The following ADCYAP1R1 variants were observed in gnomAD, a reference collection of about 807,000 sequenced individuals.
ADCYAP1R1 encodes the protein ADCYAP receptor type I.
ADCYAP1R1 carries 44 observed loss-of-function variants against 67.6 expected under a neutral mutation model. The observed-to-expected ratio is 0.65, with a 90% CI of 0.51 to 0.84. ADCYAP1R1 has a LOEUF of 0.84. Among genes scored for constraint, ADCYAP1R1 ranks in the 40% least tolerant of loss-of-function variants. The probability of loss-of-function intolerance (pLI) is 0.00; values close to 1 mark genes in which losing one functional copy is unlikely to be tolerated. For synonymous variants in ADCYAP1R1, 222 were observed against 219.6 expected (o/e 1.01, Z -0.10); for missense variants, 477 against 587.9 (o/e 0.81, Z 1.95).
intron 1 of ADCYAP1R1, among the ~76,000 whole-genome samples, chr7:31,059,153 TG>T (rs763216513): frequency 6.6e-5 from 10 of 152,116 alleles, no homozygotes; most frequent in Non-Finnish European, 1.2e-4. Flanking sequence ...CACAAAGTGG[TG>T]AGATAATAAT....
rs1398616098 is a variant in ADCYAP1R1, at chr7:31,063,320, G to A, written c.51+5G>A. 6.2e-7 allele frequency: 1 copy of A among 1,614,166 alleles called. No individual in the cohort carries two copies. On this transcript the variant is annotated splice_donor_5th_base_variant and intron_variant, in intron 2 of 15. Coordinates refer to ENST00000304166, the MANE Select transcript of ADCYAP1R1 (RefSeq NM_001118.5). ...GCTCTCCTCCTGCTGCCTATGGTAA[G>A]GGCCCAGGAACATCTCTCTGGGAGC...
In ADCYAP1R1 at chr7:31,110,354, G is replaced by C. The variant is rs535392167; in HGVS notation, c.*3670G>C. Reference sequence around the variant, plus strand: ...CTTCTCCACGCTTTGCTCCTGGCTTGTTTGACCTTGACTCATTCCCCATAT... The same window carrying C: ...CTTCTCCACGCTTTGCTCCTGGCTTCTTTGACCTTGACTCATTCCCCATAT... On this transcript the variant is annotated 3_prime_UTR_variant, in exon 16 of 16. Coordinates refer to ENST00000304166, the MANE Select transcript of ADCYAP1R1 (RefSeq NM_001118.5). 6.6e-6 allele frequency: 1 copy of C among 152,232 alleles called. No homozygotes were observed. The highest frequency in any genetic ancestry group is 2.1e-4 in the South Asian group (1 of 4,814). 9.4% of individuals were successfully genotyped at this position (152,232 alleles called of 1,614,324 possible).
rs771199402 is a variant in ADCYAP1R1 at position 31,081,733 on chromosome 7, A to C, written c.307A>C (p.Ser103Arg). 6.3e-7 allele frequency: 1 copy of C among 1,598,256 alleles called. No homozygotes were observed. The highest frequency in any genetic ancestry group is 8.5e-7 in the Non-Finnish European group (1 of 1,172,534). ...TTCAGGAGAGTCTGATTTTGGTGAC[A>C]GTAACTCCTTAGATCTCTCAGGTAA... The part of the protein sequence containing the change: ...ETIGESDFGD[S>R]NSLDLSDMGV... The change falls in exon 6 of 16, where the codon AGT (serine) becomes CGT (arginine). Residue 103 changes from serine to arginine, a missense_variant. Coordinates refer to ENST00000304166, the MANE Select transcript of ADCYAP1R1 (RefSeq NM_001118.5).
rs1385009527 is a variant in ADCYAP1R1 at position 31,103,425 on chromosome 7, C to T, written c.1176+59C>T. 5 of 1,610,406 alleles carry T rather than the reference C, an allele frequency of 3.1e-6. No individual in the cohort carries two copies. In the South Asian group the frequency reaches 4.4e-5, roughly 14 times the overall value. ...TGGGAGCCAGGGCCTGGTTGCTCACCTGCAAGTGGTGCTGGAGCCTCTTTA... is the reference window on the plus strand; with the variant it reads ...TGGGAGCCAGGGCCTGGTTGCTCACTTGCAAGTGGTGCTGGAGCCTCTTTA... On this transcript the variant is annotated intron_variant, in intron 14 of 15. Coordinates refer to ENST00000304166, the MANE Select transcript of ADCYAP1R1 (RefSeq NM_001118.5).
intron 8 of ADCYAP1R1, 130 bp downstream of exon 8, chr7:31,084,964 A>C (rs1294447871): frequency 2.2e-6 from 2 of 902,214 alleles, no homozygotes; most frequent in East Asian, 2.5e-5. Flanking sequence ...TCCCACCCCA[A>C]GGATAACAGA....
intron 3 of ADCYAP1R1, among the ~76,000 whole-genome samples, chr7:31,076,984 G>A (rs1247180916): frequency 6.6e-6 from 1 of 152,190 alleles, no homozygotes; most frequent in Non-Finnish European, 1.5e-5. Context: ...CTGTGATGTT[G>A]TGCAGCTGTG....
intron 3 of ADCYAP1R1, among the ~76,000 whole-genome samples, chr7:31,068,743 C>A (rs1794850588): frequency 6.6e-6 from 1 of 152,182 alleles, no homozygotes; most frequent in African/African-American, 2.4e-5. Flanking sequence ...ATCTTGCTCA[C>A]TTTGGGGCTG....
intron 3 of ADCYAP1R1, among the ~76,000 whole-genome samples, chr7:31,066,901 CTG>C (rs146696002): frequency 0.02 from 3,045 of 152,284 alleles, 91 homozygotes; most frequent in African/African-American, 0.07. Flanking sequence ...GAGTAACCTC[CTG>C]TATTTGGAAC....
chr7:31,086,620 A>G lies in ADCYAP1R1; in HGVS notation c.823+83A>G. ...TGTGTCTTTGGTTCCATCTTCAGGA[A>G]GTGTCAGGTGAGGAGGGGCCACTGC... is the stretch of plus-strand genomic sequence containing the variant. On this transcript the variant is annotated intron_variant, in intron 10 of 15. Coordinates refer to ENST00000304166, the MANE Select transcript of ADCYAP1R1 (RefSeq NM_001118.5). This position sits in a 1 kb window ranked among gnomAD's most constrained non-coding sequence, Gnocchi z 5.0. 1 of 1,548,484 alleles carries G rather than the reference A, an allele frequency of 6.5e-7. No individual in the cohort carries two copies. Among genetic ancestry groups the G allele is most frequent in the South Asian group, 1.2e-5 (1 of 83,912 alleles).
At chr7:31,096,132 T>C (rs1584535369) in intron 13 of ADCYAP1R1, among the ~76,000 whole-genome samples, 1 of 152,022 alleles carries the variant, frequency 6.6e-6, no homozygotes, top group Non-Finnish European at 1.5e-5. Context: ...GCTTCCAGGG[T>C]AGACATTAAC....
chr7:31,091,029 C>A (rs1192899368), intron 12 of ADCYAP1R1, among the ~76,000 whole-genome samples: 1 of 152,216 alleles, frequency 6.6e-6, no homozygotes, highest in Non-Finnish European at 1.5e-5. Context: ...AATTTACATT[C>A]CCACCAACAG....
chr7:31,085,700 A>G (rs1213322582), intron 9 of ADCYAP1R1, among the ~76,000 whole-genome samples: 1 of 152,248 alleles, frequency 6.6e-6, no homozygotes, highest in East Asian at 1.9e-4. Flanking sequence ...TTGGCAAGGC[A>G]GAAGAGGAAG....
rs1328281045 is a variant in ADCYAP1R1, at chr7:31,086,577, T to C, written c.823+40T>C. The C allele has an allele frequency of 1.1e-5, 18 of 1,611,484 alleles. No individual in the cohort carries two copies. The highest frequency in any genetic ancestry group is 1.5e-5 in the Non-Finnish European group (18 of 1,178,418). The stretch of plus-strand genomic sequence containing the variant: ...GTGGCTTGGACAGGTTCAGGTCCCG[T>C]GGTCAGGTGTGTCCAGGTGTGTCTT... On this transcript the variant is annotated intron_variant, in intron 10 of 15. Coordinates refer to ENST00000304166, the MANE Select transcript of ADCYAP1R1 (RefSeq NM_001118.5). This position sits in a 1 kb window ranked among gnomAD's most constrained non-coding sequence, Gnocchi z 5.0.
At chr7:31,106,451 A>C in intron 15 of ADCYAP1R1, 45 bp from the exon 16 acceptor site, 4 of 1,563,894 alleles carry the variant, frequency 2.6e-6, no homozygotes, top group Non-Finnish European at 3.5e-6. Flanking sequence ...TGGAGGCTGC[A>C]GAGGATGTCC....
intron 1 of ADCYAP1R1, among the ~76,000 whole-genome samples, chr7:31,061,231 ACT>A (rs1794488984): frequency 6.6e-6 from 1 of 152,246 alleles, no homozygotes; most frequent in East Asian, 1.9e-4. Context: ...TGCCTGCAAC[ACT>A]CTGCTGGCCT....
At chr7:31,084,615 G>A (rs936764642) in intron 7 of ADCYAP1R1, 122 bp from the exon 8 acceptor site, 51 of 805,812 alleles carry the variant, frequency 6.3e-5, no homozygotes, top group Admixed American at 2.5e-4. Flanking sequence ...CAGAAGAGAG[G>A]AAGGAGGAGC....
intron 1 of ADCYAP1R1, among the ~76,000 whole-genome samples, chr7:31,054,069 A>T (rs1794139640): frequency 6.6e-6 from 1 of 152,058 alleles, no homozygotes. Context: ...CTCCTCACTG[A>T]CCTTGGGGAG....
At position 31,102,430 on chromosome 7, in the gene ADCYAP1R1, C is replaced by T. The variant is rs1796476830; in HGVS notation, c.1047-807C>T. On this transcript the variant is annotated intron_variant, in intron 13 of 15. Coordinates refer to ENST00000304166, the MANE Select transcript of ADCYAP1R1 (RefSeq NM_001118.5). The surrounding 1 kb of genome is among the most constrained non-coding windows in gnomAD (Gnocchi z 4.3). ...CCACAAGTGCACATGGTCCAGGTGT[C>T]CTAGCTGTGGGCTTCTGTGGCCCTG... Among the ~76,000 whole-genome samples, 2 of 152,306 alleles carry T rather than the reference C, an allele frequency of 1.3e-5. No homozygotes were observed. Among genetic ancestry groups the T allele is most frequent in the Admixed American group, 1.3e-4 (2 of 15,300 alleles).
intron 1 of ADCYAP1R1, among the ~76,000 whole-genome samples, chr7:31,054,312 AG>A (rs145902162): frequency 3.2e-4 from 48 of 152,118 alleles, no homozygotes; most frequent in African/African-American, 1.2e-3. Flanking sequence ...ATGTGTGGTG[AG>A]GGGAGGTGTC....
Sources: allele counts gnomAD v4.1 joint callset (sites outside exome capture counted in the v4.1 genomes callset), GRCh38; gene constraint gnomAD v4.1.1; non-coding constraint Gnocchi (gnomAD v3.1); transcripts MANE v1.5; gene names NCBI Gene and HGNC (gene_info 2026-07-23, HGNC 2026-07-21).